CCDC137: variants seen among roughly 807,000 people sequenced by gnomAD.
CCDC137 encodes the protein coiled-coil domain-containing protein 137.
Under a neutral mutation model 30.4 loss-of-function variants are expected in CCDC137, and 24 were observed. The ratio of observed to expected loss-of-function variants is 0.79; its 90% CI spans 0.57 to 1.11. The LOEUF is 1.11. CCDC137 is among the 50% of genes least tolerant of loss of function. CCDC137 has a pLI of 0.00. For missense variants in CCDC137, 417 were observed against 380.4 expected (o/e 1.10, Z -0.80); for synonymous variants, 182 against 155.7 (o/e 1.17, Z -1.26).
chr17:81,667,705 T>TCA (rs2036658591), intron 1 of CCDC137, 24 bp from the exon 2 acceptor site: 1 of 1,612,988 alleles, frequency 6.2e-7, no homozygotes, highest in African/African-American at 1.3e-5. Context: ...GGGACGGGTC[T>TCA]CACCCCCGTG....
At chr17:81,671,988 T>C in intron 4 of CCDC137, 88 bp from the exon 5 acceptor site, 1 of 1,500,990 alleles carries the variant, frequency 6.7e-7, no homozygotes, top group Non-Finnish European at 9.3e-7. Flanking sequence ...CCCAGCCCTA[T>C]GGGAGGGAGG....
intron 2 of CCDC137, among the ~76,000 whole-genome samples, chr17:81,668,882 GTTT>G (rs35131889): frequency 7.3e-5 from 10 of 136,132 alleles, no homozygotes; most frequent in Non-Finnish European, 9.6e-5. Flanking sequence ...TTTGTGTGTG[GTTT>G]TTTTTTTTTT....
In CCDC137 at chr17:81,672,516, C is replaced by G. The variant is rs751028100; in HGVS notation, c.682C>G (p.Leu228Val). Reference protein sequence around the residue: ...KDQPGRRSQMLRMLLSPGGVS... With the variant: ...KDQPGRRSQMVRMLLSPGGVS... ...TCAGCCTGGCAGGAGATCGCAGATG[C>G]TGCGGATGCTTCTGAGCCCCGGTGG... is the stretch of plus-strand genomic sequence containing the variant. Residue 228 changes from leucine to valine, a missense_variant, in exon 6 of 6, where the codon CTG becomes GTG. Physicochemically the swap from Leu to Val is conservative, Grantham distance 32. Transcript: ENST00000329214. The G allele has an allele frequency of 6.4e-7, 1 of 1,561,996 alleles. No homozygotes were observed.
intron 4 of CCDC137, 102 bp from the exon 5 acceptor site, chr17:81,671,971 GTTC>G: frequency 6.8e-7 from 1 of 1,475,672 alleles, no homozygotes; most frequent in Non-Finnish European, 9.5e-7. Context: ...ATGAGTTGGT[GTTC>G]TGTCCCAGCC....
rs778251305 is a variant in CCDC137 at position 81,671,757 on chromosome 17, C to T, written c.511C>T (p.Arg171Ter). Residue 171 changes from arginine (R) to a stop codon, truncating the protein, a stop_gained, in exon 4 of 6, where the codon CGA becomes TGA. Coordinates refer to ENST00000329214, the MANE Select transcript of CCDC137 (RefSeq NM_199287.3). LOFTEE classifies it high-confidence loss of function. Reference protein sequence around the residue: ...KKAKKAFQKRRLDKVRRKKEE... With the variant: ...KKAKKAFQKR ...TTTCTTCCCCAGGTTCCAGAAGCGG[C>T]GACTAGATAAAGTCCGACGGAAAAA... The T allele has an allele frequency of 8.7e-6, 14 of 1,611,876 alleles. No homozygotes were observed. Among genetic ancestry groups the T allele is most frequent in the East Asian group, 4.5e-5 (2 of 44,846 alleles).
rs1299452541 is a variant in CCDC137, at chr17:81,673,241, T to TA, written c.*538dup. ...TGGGGTGAAACATGATGACAACACATACACTTAAGAAGGTGGGAACCGGGG... is the reference window on the plus strand; with the variant it reads ...TGGGGTGAAACATGATGACAACACATAACACTTAAGAAGGTGGGAACCGGGG... On this transcript the variant is annotated 3_prime_UTR_variant, in exon 6 of 6. Transcript: ENST00000329214. 1 of 154,908 alleles carries TA rather than the reference T, an allele frequency of 6.5e-6. No homozygotes were observed. The highest frequency in any genetic ancestry group is 1.9e-4 in the East Asian group (1 of 5,198). The allele number at this position is 154,908 out of a possible 1,614,324, so 9.6% of individuals were successfully genotyped here.
chr17:81,670,638 G>A (rs1272302082), intron 3 of CCDC137, among the ~76,000 whole-genome samples, 185 bp downstream of exon 3: 1 of 152,176 alleles, frequency 6.6e-6, no homozygotes, highest in East Asian at 1.9e-4. Context: ...GTGAGGGTGT[G>A]GCCTCCAGGA....
At chr17:81,669,892 TG>T (rs2036697586) in intron 2 of CCDC137, 1 of 285,180 alleles carries the variant, frequency 3.5e-6, no homozygotes, top group Admixed American at 4.9e-5. Flanking sequence ...GTAGCTCCAC[TG>T]GGCTTCTTTC....
chr17:81,669,805 C>G (rs1004113402), intron 2 of CCDC137, among the ~76,000 whole-genome samples: 5 of 151,526 alleles, frequency 3.3e-5, no homozygotes, highest in African/African-American at 9.7e-5. Flanking sequence ...TTGTGATCTG[C>G]CCATCTTGGC....
rs2036725668 is a variant in CCDC137 at position 81,672,091 on chromosome 17, G to T, written c.596G>T (p.Gly199Val). Residue 199 changes from glycine to valine, a missense_variant, in exon 5 of 6, where the codon GGT becomes GTT. Transcript: ENST00000329214. Reference sequence around the variant, plus strand: ...GCTCCTCCAGACACGGTGAAGTTTGGTGAGGTTGTCCTGCAGCCCCCAGAG... The same window carrying T: ...GCTCCTCCAGACACGGTGAAGTTTGTTGAGGTTGTCCTGCAGCCCCCAGAG... ...QELLRDTVKF[G>V]EVVLQPPELT... The T allele has an allele frequency of 1.2e-6, 2 of 1,613,996 alleles. No individual in the cohort carries two copies. The highest frequency in any genetic ancestry group is 1.7e-6 in the Non-Finnish European group (2 of 1,180,016).
In CCDC137 at chr17:81,667,711, C is replaced by T. The variant is rs1487062872; in HGVS notation, c.135-18C>T. The T allele has an allele frequency of 4.3e-6, 7 of 1,613,366 alleles. No individual in the cohort carries two copies. The highest frequency in any genetic ancestry group is 2.2e-5 in the East Asian group (1 of 44,888). On this transcript the variant is annotated intron_variant, in intron 1 of 5. Transcript: ENST00000329214. Reference sequence around the variant, plus strand: ...GCTTTACTTGGGACGGGTCTCACCCCCGTGTTCTTTCTCCCAGCAAAGAGA... The same window carrying T: ...GCTTTACTTGGGACGGGTCTCACCCTCGTGTTCTTTCTCCCAGCAAAGAGA...
Position 81,667,605 on chromosome 17 carries a change from G to T in CCDC137, c.135-124G>T, listed in dbSNP as rs547593398. 83 of 1,088,242 alleles carry T rather than the reference G, an allele frequency of 7.6e-5. No homozygotes were observed. The African/African-American group carries it at 1.1e-3, about 15-fold the overall frequency. The allele number at this position is 1,088,242 out of a possible 1,614,324, so 67.4% of individuals were successfully genotyped here. A position where few individuals can be genotyped will look rare whatever the true frequency, so the allele number is the denominator to read the frequency against. ...GCCTCCCAAAGTGCAGGGATTACAGGCGTGAGCCACCAAGCCCGGCCAGCC... is the reference window on the plus strand; with the variant it reads ...GCCTCCCAAAGTGCAGGGATTACAGTCGTGAGCCACCAAGCCCGGCCAGCC... On this transcript the variant is annotated intron_variant, in intron 1 of 5. Transcript: ENST00000329214.
intron 5 of CCDC137, 30 bp downstream of exon 5, chr17:81,672,185 T>G: frequency 6.2e-7 from 1 of 1,601,852 alleles, no homozygotes; most frequent in Non-Finnish European, 8.6e-7. Context: ...AACTTGAGTT[T>G]GTCCCCCAGT....
Position 81,666,797 on chromosome 17 carries a change from T to A in CCDC137, c.31T>A (p.Ser11Thr), listed in dbSNP as rs906716901. ...GGGAGCTGGTCGCGGAGCAGCGGTGTCCAGGGTGCAGGCGGGTCCTGGGAG... is the reference window on the plus strand; with the variant it reads ...GGGAGCTGGTCGCGGAGCAGCGGTGACCAGGGTGCAGGCGGGTCCTGGGAG... MAGAGRGAAVSRVQAGPGSPR... is the reference protein window; with the variant it reads MAGAGRGAAVTRVQAGPGSPR... The change falls in exon 1 of 6, where the codon TCC (serine) becomes ACC (threonine). Residue 11 changes from serine (S) to threonine (T), a missense_variant. Transcript: ENST00000329214. 6.8e-7 allele frequency: 1 copy of A among 1,463,952 alleles called. No homozygotes were observed. The highest frequency in any genetic ancestry group is 9.0e-7 in the Non-Finnish European group (1 of 1,112,852). 90.7% of individuals were successfully genotyped at this position (1,463,952 alleles called of 1,614,324 possible). A position where few individuals can be genotyped will look rare whatever the true frequency, so the allele number is the denominator to read the frequency against.
At chr17:81,668,466 T>C (rs2036677963) in intron 2 of CCDC137, among the ~76,000 whole-genome samples, 1 of 152,212 alleles carries the variant, frequency 6.6e-6, no homozygotes, top group Non-Finnish European at 1.5e-5. Flanking sequence ...CGGAGTCCAC[T>C]GTGTGTATAT....
chr17:81,670,431 G>C lies in CCDC137; in HGVS notation c.475G>C (p.Glu159Gln). 6.2e-7 allele frequency: 1 copy of C among 1,613,384 alleles called. No homozygotes were observed. The highest frequency in any genetic ancestry group is 8.5e-7 in the Non-Finnish European group (1 of 1,179,952). The change falls in exon 3 of 6, where the codon GAG (glutamate) becomes CAG (glutamine). Residue 159 changes from glutamate (E) to glutamine (Q), a missense_variant. Transcript: ENST00000329214. ...GCAGGCAGCTCCCAAGGAGAAGTCTGAGCAGAAAAAAGCAAAAAAAGCGTG... is the reference window on the plus strand; with the variant it reads ...GCAGGCAGCTCCCAAGGAGAAGTCTCAGCAGAAAAAAGCAAAAAAAGCGTG... ...EVQAAPKEKS[E>Q]QKKAKKAFQK...
intron 2 of CCDC137, chr17:81,669,899 C>T (rs2144441779): frequency 3.4e-6 from 1 of 293,254 alleles, no homozygotes; most frequent in South Asian, 4.2e-5. Flanking sequence ...CACTGGGCTT[C>T]TTTCGGCAGC....
chr17:81,667,641 C>G (rs1254135738), intron 1 of CCDC137, 88 bp from the exon 2 acceptor site: 1 of 1,516,538 alleles, frequency 6.6e-7, no homozygotes, highest in South Asian at 1.2e-5. Flanking sequence ...CGTGTAGATT[C>G]TATTGCCAGA....
At position 81,672,845 on chromosome 17, in the gene CCDC137, G is replaced by A; in HGVS notation, c.*141G>A. ...TTGTTCACACGTTGGGCACTAGTGGGTCCACATCTTGCAGGGGGTGAGTGC... is the reference window on the plus strand; with the variant it reads ...TTGTTCACACGTTGGGCACTAGTGGATCCACATCTTGCAGGGGGTGAGTGC... On this transcript the variant is annotated 3_prime_UTR_variant, in exon 6 of 6. Transcript: ENST00000329214. 1 of 784,986 alleles carries A rather than the reference G, an allele frequency of 1.3e-6. No individual in the cohort carries two copies. Among genetic ancestry groups the A allele is most frequent in the East Asian group, 2.7e-5 (1 of 36,882 alleles). The allele number at this position is 784,986 out of a possible 1,614,324, so 48.6% of individuals were successfully genotyped here. A position where few individuals can be genotyped will look rare whatever the true frequency, so the allele number is the denominator to read the frequency against.
Sources: gnomAD v4.1 joint callset for allele counts (sites outside exome capture counted in the v4.1 genomes callset) on GRCh38, gnomAD v4.1.1 for gene constraint, MANE v1.5 for transcripts, NCBI Gene and HGNC (gene_info 2026-07-23, HGNC 2026-07-21) for gene names.